Variants in ADAMTS18 observed in about 807,000 individuals in gnomAD.
ADAMTS18 encodes A disintegrin and metalloproteinase with thrombospondin motifs 18.
In ADAMTS18, 157 loss-of-function variants were observed where a neutral mutation model predicts 165.9. The observed-to-expected ratio is 0.95, with a 90% CI of 0.83 to 1.08. The LOEUF is 1.08. Among genes scored for constraint, ADAMTS18 ranks in the 50% least tolerant of loss-of-function variants. The pLI is 0.00. For synonymous variants in ADAMTS18, 782 were observed against 578.2 expected (o/e 1.35, Z -5.06); for missense variants, 2,040 against 1,534.0 (o/e 1.33, Z -5.51).
chr16:77,352,927 TC>T (rs1468077791), intron 10 of ADAMTS18, among the ~76,000 whole-genome samples: 1 of 151,904 alleles, frequency 6.6e-6, no homozygotes, highest in East Asian at 1.9e-4. Flanking sequence ...AAATCCCTTC[TC>T]TACTGAAAAA....
intron 6 of ADAMTS18, among the ~76,000 whole-genome samples, chr16:77,362,539 A>C (rs1447054574): frequency 1.3e-5 from 2 of 152,228 alleles, no homozygotes; most frequent in Admixed American, 1.3e-4. Context: ...CATCTTACCT[A>C]GTACTACCTT....
At chr16:77,365,618 G>C (rs1280406032) in intron 4 of ADAMTS18, among the ~76,000 whole-genome samples, 1 of 152,206 alleles carries the variant, frequency 6.6e-6, no homozygotes, top group Admixed American at 6.5e-5. Context: ...CAGAGACCTA[G>C]AAGTGCCTGC....
intron 12 of ADAMTS18, among the ~76,000 whole-genome samples, chr16:77,327,232 C>T (rs908699723): frequency 3.3e-5 from 5 of 152,084 alleles, no homozygotes; most frequent in African/African-American, 1.2e-4. Context: ...TGTTTGGTTA[C>T]ATAAAAAAGT....
intron 11 of ADAMTS18, among the ~76,000 whole-genome samples, chr16:77,340,023 G>A (rs2056374949): frequency 6.6e-6 from 1 of 152,054 alleles, no homozygotes; most frequent in Non-Finnish European, 1.5e-5. Context: ...TACTTGTTGT[G>A]GTTTATTCTA....
At chr16:77,343,686 G>A (rs2056433057) in intron 10 of ADAMTS18, among the ~76,000 whole-genome samples, 1 of 152,114 alleles carries the variant, frequency 6.6e-6, no homozygotes, top group Non-Finnish European at 1.5e-5. Flanking sequence ...GATGGATATT[G>A]GAAGGCTCTC....
chr16:77,372,525 G>T (rs145268492), intron 3 of ADAMTS18, among the ~76,000 whole-genome samples: 225 of 152,218 alleles, frequency 1.5e-3, no homozygotes, highest in African/African-American at 4.5e-3. Flanking sequence ...AATCAAAGAC[G>T]GAGTCTTCAT....
intron 19 of ADAMTS18, among the ~76,000 whole-genome samples, chr16:77,294,557 A>G (rs369168875): frequency 1.6e-4 from 24 of 152,306 alleles, no homozygotes; most frequent in African/African-American, 5.8e-4. Flanking sequence ...TTCCCATTGA[A>G]GCAAGAGTTA....
At chr16:77,400,207 T>A (rs1179847112) in intron 3 of ADAMTS18, among the ~76,000 whole-genome samples, 1 of 152,176 alleles carries the variant, frequency 6.6e-6, no homozygotes, top group South Asian at 2.1e-4. Flanking sequence ...CCAGCTGCAG[T>A]AGACAGTTCA....
intron 3 of ADAMTS18, among the ~76,000 whole-genome samples, chr16:77,384,729 G>C (rs963600717): frequency 6.6e-6 from 1 of 152,080 alleles, no homozygotes; most frequent in Non-Finnish European, 1.5e-5. Flanking sequence ...TGTGAAATAT[G>C]ACAAAAATTT....
chr16:77,291,086 G>C (rs979094652), intron 21 of ADAMTS18, among the ~76,000 whole-genome samples, 180 bp downstream of exon 21: 1 of 144,332 alleles, frequency 6.9e-6, no homozygotes, highest in Non-Finnish European at 1.6e-5. Flanking sequence ...TGAAAACTGA[G>C]GTTTACAGAT....
At chr16:77,302,025 T>A (rs1242649879) in intron 16 of ADAMTS18, among the ~76,000 whole-genome samples, 1 of 108,152 alleles carries the variant, frequency 9.2e-6, no homozygotes, top group South Asian at 3.0e-4. Flanking sequence ...TTTTTTTTTT[T>A]AACTTTCGCA....
intron 3 of ADAMTS18, among the ~76,000 whole-genome samples, chr16:77,387,412 T>C (rs2057124333): frequency 6.6e-6 from 1 of 152,196 alleles, no homozygotes; most frequent in Admixed American, 6.5e-5. Context: ...CAAATATGTC[T>C]AGGCTTCCAG....
intron 3 of ADAMTS18, among the ~76,000 whole-genome samples, chr16:77,420,873 G>C (rs1329274352): frequency 6.6e-6 from 1 of 152,134 alleles, no homozygotes; most frequent in Non-Finnish European, 1.5e-5. Context: ...TCCTAGAAGA[G>C]GCAAAGTTAA....
At chr16:77,311,491 T>C (rs775448972) in intron 16 of ADAMTS18, among the ~76,000 whole-genome samples, 6 of 152,220 alleles carry the variant, frequency 3.9e-5, no homozygotes, top group Non-Finnish European at 7.3e-5. Context: ...CAGTCCACTT[T>C]TGGGAAAATA....
chr16:77,293,230 C>G lies in ADAMTS18; in HGVS notation c.3035G>C (p.Arg1012Thr). 6.2e-7 allele frequency: 1 copy of G among 1,613,854 alleles called. No individual in the cohort carries two copies. Among genetic ancestry groups the G allele is most frequent in the Non-Finnish European group, 8.5e-7 (1 of 1,179,958 alleles). Residue 1012 changes from arginine (R) to threonine (T), a missense_variant, in exon 20 of 23, where the codon AGG (arginine) becomes ACG (threonine). Coordinates refer to ENST00000282849, the MANE Select transcript of ADAMTS18 (RefSeq NM_199355.4). ...QCSKTCGRGV[R>T]KRELLCKGSA... Reference sequence around the variant, plus strand: ...GCCCTTGCAGAGGAGTTCACGCTTCCTCACCCCTCGTCCACAGGTCTTGGA... The same window carrying G: ...GCCCTTGCAGAGGAGTTCACGCTTCGTCACCCCTCGTCCACAGGTCTTGGA...
At chr16:77,303,987 G>A (rs949226864) in intron 16 of ADAMTS18, among the ~76,000 whole-genome samples, 4 of 152,070 alleles carry the variant, frequency 2.6e-5, no homozygotes, top group Non-Finnish European at 4.4e-5. Flanking sequence ...CCGAGATCAC[G>A]CAACTGCCCT....
chr16:77,373,405 G>A (rs2056904235), intron 3 of ADAMTS18, among the ~76,000 whole-genome samples: 1 of 150,750 alleles, frequency 6.6e-6, no homozygotes, highest in Admixed American at 6.6e-5. Flanking sequence ...GTTGCAGTGA[G>A]CTGAGATCAC....
At chr16:77,323,042 T>C (rs983874067) in intron 13 of ADAMTS18, among the ~76,000 whole-genome samples, 27 of 151,968 alleles carry the variant, frequency 1.8e-4, no homozygotes, top group African/African-American at 6.5e-4. Context: ...AGAAAGCAAA[T>C]AAACTCGTCC....
Position 77,319,997 on chromosome 16 carries a change from C to G in ADAMTS18, c.2384G>C (p.Ser795Thr). 2 of 1,614,172 alleles carry G rather than the reference C, an allele frequency of 1.2e-6. No homozygotes were observed. Among genetic ancestry groups the G allele is most frequent in the Non-Finnish European group, 1.7e-6 (2 of 1,180,016 alleles). ...GCCCCCGGTGAGGTAATACTTTTGA[C>G]TGAGGCTTCGAACTGCGAGGTAACT... is the stretch of plus-strand genomic sequence containing the variant. ...SSSYLAVRSL[S>T]QKYYLTGGWS... is the part of the protein sequence containing the mutation. The change falls in exon 16 of 23, where the codon AGT becomes ACT. Residue 795 changes from serine to threonine, a missense_variant. Transcript: ENST00000282849.
Sources: gnomAD v4.1 joint callset for allele counts (sites outside exome capture counted in the v4.1 genomes callset) on GRCh38, gnomAD v4.1.1 for gene constraint, MANE v1.5 for transcripts, NCBI Gene and HGNC (gene_info 2026-07-23, HGNC 2026-07-21) for gene names.